Variants in ASCC3 observed in about 807,000 individuals in gnomAD.
ASCC3 encodes activating signal cointegrator 1 complex subunit 3.
Under a neutral mutation model 256.3 loss-of-function variants are expected in ASCC3, and 158 were observed. The ratio of observed to expected loss-of-function variants is 0.62; its 90% confidence interval spans 0.54 to 0.70. ASCC3 has a LOEUF of 0.70. Ranked by LOEUF, ASCC3 falls within the 30% of genes least tolerant of loss-of-function variation. The pLI is 0.00. For synonymous variants in ASCC3, 948 were observed against 883.4 expected (o/e 1.07, Z -1.30); for missense variants, 2,259 against 2,626.0 (o/e 0.86, Z 3.05).
Position 100,540,370 on chromosome 6 carries a change from T to G in ASCC3, c.5568A>C (p.Thr1856=), listed in dbSNP as rs1031829072. The G allele has an allele frequency of 6.2e-7, 1 of 1,613,240 alleles. No homozygotes were observed. The highest frequency in any genetic ancestry group is 8.5e-7 in the Non-Finnish European group (1 of 1,179,746). Reference sequence around the variant, plus strand: ...CTTCATTGTGTCTCACTGGCAAATCTGTATATTCTTCTGCATCCTGAAAAA... The same window carrying G: ...CTTCATTGTGTCTCACTGGCAAATCGGTATATTCTTCTGCATCCTGAAAAA... ...LSILSDAEEY[T]DLPVRHNEDH... is the part of the protein sequence containing the mutation. Residue 1856 remains threonine (T), a synonymous_variant, in exon 37 of 42, where the codon ACA becomes ACC. Transcript: ENST00000369162.
intron 30 of ASCC3, among the ~76,000 whole-genome samples, chr6:100,610,663 C>G (rs1242843575): frequency 6.6e-6 from 1 of 151,960 alleles, no homozygotes; most frequent in Non-Finnish European, 1.5e-5. Context: ...TGTTTGGCCA[C>G]CTAGTATTCT....
At chr6:100,872,985 A>AC (rs775982728) in intron 1 of ASCC3, among the ~76,000 whole-genome samples, 72 of 150,670 alleles carry the variant, frequency 4.8e-4, no homozygotes, top group South Asian at 1.3e-3. Flanking sequence ...GTTCTTTAAC[A>AC]CCCCCCCCAA....
In ASCC3 at chr6:100,606,038, G is replaced by GC. The variant is rs1372158614; in HGVS notation, c.5045-339_5045-338insG. ...TATTATTTTAATTAAATAAGAAAAA[G>GC]TAAAAAATAAAATATATATACAAAA... On this transcript the variant is annotated intron_variant, in intron 32 of 41. Coordinates refer to ENST00000369162, the MANE Select transcript of ASCC3 (RefSeq NM_006828.4). 5.3e-5 allele frequency among the ~76,000 whole-genome samples: 8 copies of GC among 151,668 alleles called. No homozygotes were observed. The East Asian group carries it at 1.3e-3, about 26-fold the overall frequency.
intron 33 of ASCC3, among the ~76,000 whole-genome samples, chr6:100,602,194 T>C (rs1021456080): frequency 1.3e-5 from 2 of 152,062 alleles, no homozygotes; most frequent in African/African-American, 2.4e-5. Context: ...TGAACCCGTA[T>C]TATTCACCAG....
chr6:100,662,363 G>T lies in ASCC3; in HGVS notation c.2460C>A (p.Ala820=). 6.2e-7 allele frequency: 1 copy of T among 1,612,796 alleles called. No individual in the cohort carries two copies. The highest frequency in any genetic ancestry group is 2.2e-5 in the East Asian group (1 of 44,824). ...CTCTTACCTTAATAATAACAGCATG[G>T]GCGGGAAGATTGACACCCCAGGCTA... ...ATLAWGVNLP[A]HAVIIKGTQI... The change falls in exon 15 of 42, where the codon GCC becomes GCA. Residue 820 remains alanine (A), a synonymous_variant. Coordinates refer to ENST00000369162, the MANE Select transcript of ASCC3 (RefSeq NM_006828.4).
intron 9 of ASCC3, 44 bp downstream of exon 9, chr6:100,767,101 A>G (rs373353809): frequency 1.3e-6 from 2 of 1,578,070 alleles, no homozygotes; most frequent in African/African-American, 2.7e-5. Flanking sequence ...AATTTATTTT[A>G]TTCCTTACAA....
At chr6:100,803,022 G>A (rs903973613) in intron 5 of ASCC3, among the ~76,000 whole-genome samples, 2 of 151,670 alleles carry the variant, frequency 1.3e-5, no homozygotes, top group African/African-American at 4.8e-5. Flanking sequence ...ACAAAAGCTA[G>A]AATCAGTAAA....
intron 36 of ASCC3, among the ~76,000 whole-genome samples, chr6:100,575,414 T>G (rs1441085644): frequency 6.6e-6 from 1 of 152,088 alleles, no homozygotes; most frequent in Non-Finnish European, 1.5e-5. Context: ...ATTCAAGCAT[T>G]AAAAATGTTG....
chr6:100,830,857 T>C (rs181408884), intron 4 of ASCC3, among the ~76,000 whole-genome samples: 2 of 152,294 alleles, frequency 1.3e-5, no homozygotes, highest in Admixed American at 6.5e-5. Flanking sequence ...GTTAAAGTTA[T>C]CAAAGTAAAG....
In ASCC3 at chr6:100,570,783, A is replaced by C. The variant is rs914918732; in HGVS notation, c.5550+18851T>G. Among the ~76,000 whole-genome samples, 9 of 152,272 alleles carry C rather than the reference A, an allele frequency of 5.9e-5. No individual in the cohort carries two copies. In the South Asian group the frequency reaches 1.5e-3, roughly 25 times the overall value. ...TTATTCATTGCTTTTCACCTCAATT[A>C]ATGGTATTCTCTCTCACCAAATTGT... On this transcript the variant is annotated intron_variant, in intron 36 of 41. Coordinates refer to ENST00000369162, the MANE Select transcript of ASCC3 (RefSeq NM_006828.4).
intron 13 of ASCC3, among the ~76,000 whole-genome samples, chr6:100,700,251 C>A (rs1304152556): frequency 6.6e-6 from 1 of 152,078 alleles, no homozygotes; most frequent in Non-Finnish European, 1.5e-5. Context: ...CCAGCTATGG[C>A]CCCAAGTCTT....
At chr6:100,837,516 T>C (rs1321106146) in intron 4 of ASCC3, among the ~76,000 whole-genome samples, 2 of 152,036 alleles carry the variant, frequency 1.3e-5, no homozygotes, top group South Asian at 2.1e-4. Flanking sequence ...TAGATAAATA[T>C]ATAGTATATA....
In ASCC3 at chr6:100,606,214, C is replaced by T. The variant is rs540276909; in HGVS notation, c.5045-514G>A. ...TGATTTAGAAATGATACAGCTTTTA[C>T]ATGTATTCATTTAGTGGAAATATAC... is the stretch of plus-strand genomic sequence containing the variant. On this transcript the variant is annotated intron_variant, in intron 32 of 41. Transcript: ENST00000369162. Among the ~76,000 whole-genome samples the T allele has an allele frequency of 1.3e-3, 193 of 152,118 alleles. 2 individuals are homozygous for T. The highest frequency in any genetic ancestry group is 2.2e-3 in the Non-Finnish European group (150 of 67,972).
chr6:100,768,599 T>G (rs1185622220), intron 8 of ASCC3, among the ~76,000 whole-genome samples: 1 of 152,124 alleles, frequency 6.6e-6, no homozygotes, highest in Non-Finnish European at 1.5e-5. Context: ...ACTGAAGACA[T>G]GCAAAGGGAA....
At chr6:100,755,479 A>G (rs980988916) in intron 10 of ASCC3, among the ~76,000 whole-genome samples, 6 of 151,430 alleles carry the variant, frequency 4.0e-5, no homozygotes, top group African/African-American at 1.5e-4. Context: ...TGATCCTCCC[A>G]CCTCAGCCTC....
intron 3 of ASCC3, among the ~76,000 whole-genome samples, chr6:100,859,529 GCTA>G (rs1308727183): frequency 6.6e-6 from 1 of 151,950 alleles, no homozygotes; most frequent in Non-Finnish European, 1.5e-5. Context: ...GCCAGATTCT[GCTA>G]CTATCTTTTT....
intron 39 of ASCC3, among the ~76,000 whole-genome samples, chr6:100,514,335 G>A (rs904077975): frequency 2.0e-5 from 3 of 152,066 alleles, no homozygotes; most frequent in Non-Finnish European, 4.4e-5. Context: ...TCTGGAAAAG[G>A]GGTTAAGGGG....
At chr6:100,654,944 T>G (rs1775844877) in intron 17 of ASCC3, among the ~76,000 whole-genome samples, 1 of 152,050 alleles carries the variant, frequency 6.6e-6, no homozygotes, top group African/African-American at 2.4e-5. Context: ...TAAGTCATAG[T>G]AAATTAGGGG....
chr6:100,720,701 A>T (rs1779286318), intron 11 of ASCC3, among the ~76,000 whole-genome samples: 1 of 151,648 alleles, frequency 6.6e-6, no homozygotes. Flanking sequence ...CATTTTTCTT[A>T]AGATAACAAA....
Sources: gnomAD v4.1 joint callset for allele counts (sites outside exome capture counted in the v4.1 genomes callset) on GRCh38, gnomAD v4.1.1 for gene constraint, MANE v1.5 for transcripts, NCBI Gene and HGNC (gene_info 2026-07-23, HGNC 2026-07-21) for gene names.